Variants in SCARB1 observed in about 807,000 individuals in gnomAD.
SCARB1 encodes the protein scavenger receptor class B member 1.
Under a neutral mutation model 57.2 loss-of-function variants are expected in SCARB1, and 30 were observed. That is an observed-to-expected ratio of 0.52 (90% CI 0.39 to 0.71). SCARB1 has a LOEUF of 0.71. SCARB1 is among the 30% of genes least tolerant of loss of function. The pLI, the probability that SCARB1 is intolerant of heterozygous loss-of-function variation, is 0.00. For missense variants in SCARB1, 543 were observed against 671.2 expected (o/e 0.81, Z 2.11); for synonymous variants, 249 against 268.3 (o/e 0.93, Z 0.70).
intron 1 of SCARB1, among the ~76,000 whole-genome samples, chr12:124,842,680 A>C (rs996054557): frequency 2.0e-5 from 3 of 152,230 alleles, no homozygotes; most frequent in Non-Finnish European, 2.9e-5. Context: ...CAGCACAGCA[A>C]GGTCTTACTG....
intron 12 of SCARB1, among the ~76,000 whole-genome samples, chr12:124,779,022 C>CTCA (rs779806552): frequency 3.3e-5 from 5 of 152,190 alleles, no homozygotes; most frequent in Admixed American, 1.3e-4. Context: ...GCCATCATGG[C>CTCA]TCACCACGGC....
Position 124,826,493 on chromosome 12 carries a change from C to T in SCARB1, c.127-8786G>A, listed in dbSNP as rs144941118. 1.2e-4 allele frequency among the ~76,000 whole-genome samples: 19 copies of T among 152,248 alleles called. 1 individual carries two copies. In the East Asian group the frequency reaches 1.3e-3, roughly 11 times the overall value. On this transcript the variant is annotated intron_variant, in intron 1 of 12. Coordinates refer to ENST00000261693, the MANE Select transcript of SCARB1 (RefSeq NM_005505.5). Reference sequence around the variant, plus strand: ...ATTTATTTATTTTGAAACAGAGTCTCGCTCAGTTGCCCAGGCTGGAAAGCC... The same window carrying T: ...ATTTATTTATTTTGAAACAGAGTCTTGCTCAGTTGCCCAGGCTGGAAAGCC...
At chr12:124,799,112 A>G (rs1450847032) in intron 8 of SCARB1, among the ~76,000 whole-genome samples, 1 of 152,242 alleles carries the variant, frequency 6.6e-6, no homozygotes, top group Non-Finnish European at 1.5e-5. Flanking sequence ...ATACATCATC[A>G]GTATGTGAGG....
rs756256849 is a variant in SCARB1, at chr12:124,807,840, G to A, written c.930C>T (p.Asn310=). The change falls in exon 7 of 13, where the codon AAC becomes AAT. Residue 310 remains asparagine, a synonymous_variant. Transcript: ENST00000261693. The surrounding 1 kb of genome is among the most constrained non-coding windows in gnomAD (Gnocchi z 5.3). The part of the protein sequence containing the change: ...RFVAPKTLFA[N]GSIYPPNEGF... Reference sequence around the variant, plus strand: ...CTTCGTTGGGTGGGTAGATGGACCCGTTGGCAAACAGGGTTTTGGGAGCCA... The same window carrying A: ...CTTCGTTGGGTGGGTAGATGGACCCATTGGCAAACAGGGTTTTGGGAGCCA... 1.2e-5 allele frequency: 19 copies of A among 1,613,996 alleles called. No individual in the cohort carries two copies. The highest frequency in any genetic ancestry group is 8.8e-5 in the South Asian group (8 of 91,094).
chr12:124,782,592 G>A (rs565501871), intron 12 of SCARB1, 91 bp downstream of exon 12: 2 of 1,277,794 alleles, frequency 1.6e-6, no homozygotes, highest in South Asian at 2.6e-5. Flanking sequence ...GAGGCTGAAG[G>A]AATGAGCAGG....
chr12:124,808,401 T>C (rs937193019), intron 6 of SCARB1, among the ~76,000 whole-genome samples: 6 of 152,364 alleles, frequency 3.9e-5, no homozygotes, highest in Admixed American at 1.3e-4. Context: ...TAGGATTCAT[T>C]GACCTTATCT....
At chr12:124,863,392 C>T (rs1218338394) in intron 1 of SCARB1, among the ~76,000 whole-genome samples, 3 of 152,174 alleles carry the variant, frequency 2.0e-5, no homozygotes, top group Non-Finnish European at 4.4e-5. Flanking sequence ...CCCCCCTAGC[C>T]TCAGTCTGGG....
intron 7 of SCARB1, among the ~76,000 whole-genome samples, chr12:124,803,680 C>A (rs1027047787): frequency 3.0e-5 from 4 of 135,546 alleles, no homozygotes; most frequent in Non-Finnish European, 6.2e-5. Flanking sequence ...CGGCACAACC[C>A]CACCTCTACA....
chr12:124,855,855 C>A (rs1195503276), intron 1 of SCARB1, among the ~76,000 whole-genome samples: 2 of 152,180 alleles, frequency 1.3e-5, no homozygotes, highest in African/African-American at 4.8e-5. Flanking sequence ...CCATGCAGGA[C>A]CCACGAATGA....
At chr12:124,779,138 A>C (rs1323491805) in intron 12 of SCARB1, among the ~76,000 whole-genome samples, 1 of 151,884 alleles carries the variant, frequency 6.6e-6, no homozygotes, top group African/African-American at 2.4e-5. Context: ...TTTTTTGTAG[A>C]GATCAGGTCT....
intron 9 of SCARB1, among the ~76,000 whole-genome samples, chr12:124,791,256 G>A (rs1296502528): frequency 6.6e-6 from 1 of 152,108 alleles, no homozygotes; most frequent in African/African-American, 2.4e-5. Context: ...TCCTTTTACC[G>A]TAATAAATCA....
At position 124,800,341 on chromosome 12, in the gene SCARB1, C is replaced by T. The variant is rs1259926476; in HGVS notation, c.1010-99G>A. ...ACAGAGCTGTGGTCTGCAGGGCACC[C>T]CCGTGGCGATGACAAGATAACCAGA... On this transcript the variant is annotated intron_variant, in intron 7 of 12. Transcript: ENST00000261693. This position sits in a 1 kb window ranked among gnomAD's most constrained non-coding sequence, Gnocchi z 4.8. 1.0e-5 allele frequency: 9 copies of T among 858,042 alleles called. No homozygotes were observed. Among genetic ancestry groups the T allele is most frequent in the Non-Finnish European group, 1.3e-5 (7 of 521,654 alleles). 53.2% of individuals were successfully genotyped at this position (858,042 alleles called of 1,614,324 possible). A position where few individuals can be genotyped will look rare whatever the true frequency, so the allele number is the denominator to read the frequency against.
chr12:124,838,357 G>C (rs1014446984), intron 1 of SCARB1, among the ~76,000 whole-genome samples: 1 of 152,188 alleles, frequency 6.6e-6, no homozygotes, highest in African/African-American at 2.4e-5. Flanking sequence ...TCCTCCCCGT[G>C]GCAGTGCAGA....
intron 1 of SCARB1, among the ~76,000 whole-genome samples, chr12:124,840,858 C>A (rs1477508791): frequency 6.6e-6 from 1 of 152,226 alleles, no homozygotes; most frequent in African/African-American, 2.4e-5. Flanking sequence ...CTCCAGACAG[C>A]AGCCAGAGAG....
At chr12:124,832,653 C>T (rs978829817) in intron 1 of SCARB1, among the ~76,000 whole-genome samples, 2 of 152,176 alleles carry the variant, frequency 1.3e-5, no homozygotes, top group African/African-American at 4.8e-5. Flanking sequence ...AAAATGTGCA[C>T]CCCATATTTA....
chr12:124,837,468 A>AAAGG (rs760734961), intron 1 of SCARB1, among the ~76,000 whole-genome samples: 1 of 121,596 alleles, frequency 8.2e-6, no homozygotes, highest in Non-Finnish European at 1.6e-5. Flanking sequence ...GGAAAGAAAG[A>AAAGG]AAGAAAGGAA....
chr12:124,798,317 A>C (rs768995389), intron 8 of SCARB1, among the ~76,000 whole-genome samples: 4 of 151,568 alleles, frequency 2.6e-5, no homozygotes, highest in Non-Finnish European at 5.9e-5. Context: ...AGGCCGAGGC[A>C]GGAGAATTGC....
intron 1 of SCARB1, among the ~76,000 whole-genome samples, chr12:124,824,338 G>T (rs1232940247): frequency 6.6e-6 from 1 of 152,160 alleles, no homozygotes; most frequent in Non-Finnish European, 1.5e-5. Flanking sequence ...CCCAGAATAG[G>T]CAAATCCAGA....
chr12:124,795,540 G>A (rs1318860581), intron 8 of SCARB1, among the ~76,000 whole-genome samples: 1 of 152,166 alleles, frequency 6.6e-6, no homozygotes, highest in Non-Finnish European at 1.5e-5. Context: ...GCCTCAAAGA[G>A]GTTCCTTCTA....
Sources: gnomAD v4.1 joint callset for allele counts (sites outside exome capture counted in the v4.1 genomes callset) on GRCh38, gnomAD v4.1.1 for gene constraint, Gnocchi (gnomAD v3.1) non-coding constraint, MANE v1.5 for transcripts, NCBI Gene and HGNC (gene_info 2026-07-23, HGNC 2026-07-21) for gene names.